TOX: variants seen among roughly 807,000 people sequenced by gnomAD.
The protein encoded by TOX is thymocyte selection-associated high mobility group box protein TOX.
In TOX, 11 loss-of-function variants were observed where a neutral mutation model predicts 53.7. The observed-to-expected ratio is 0.20, with a 90% CI of 0.13 to 0.34. TOX has a LOEUF of 0.34. Ranked by LOEUF, TOX falls within the 10% of genes least tolerant of loss-of-function variation. TOX has a pLI of 1.00. For synonymous variants in TOX, 225 were observed against 245.3 expected (o/e 0.92, Z 0.77); for missense variants, 570 against 664.6 (o/e 0.86, Z 1.56).
chr8:58,819,928 G>T (rs1810245625), intron 6 of TOX, among the ~76,000 whole-genome samples: 1 of 152,162 alleles, frequency 6.6e-6, no homozygotes, highest in Non-Finnish European at 1.5e-5. Context: ...ACTCAATTGT[G>T]CATTGCTCCT....
chr8:59,080,526 A>G (rs1804388631), intron 1 of TOX, among the ~76,000 whole-genome samples: 1 of 152,130 alleles, frequency 6.6e-6, no homozygotes, highest in Non-Finnish European at 1.5e-5. Flanking sequence ...AGGACATGAG[A>G]TTTGGGAAAG....
intron 1 of TOX, among the ~76,000 whole-genome samples, chr8:59,017,754 C>T (rs908619636): frequency 6.6e-6 from 1 of 152,162 alleles, no homozygotes; most frequent in Non-Finnish European, 1.5e-5. Flanking sequence ...AAACTCGGAA[C>T]AGGTGTCTAG....
intron 1 of TOX, among the ~76,000 whole-genome samples, chr8:58,960,442 A>C (rs1812780744): frequency 6.6e-6 from 1 of 152,228 alleles, no homozygotes; most frequent in South Asian, 2.1e-4. Flanking sequence ...TTTAGCTCTC[A>C]AAAAAGAAAA....
intron 3 of TOX, among the ~76,000 whole-genome samples, chr8:58,905,951 T>C (rs1017317990): frequency 2.6e-5 from 4 of 152,204 alleles, no homozygotes; most frequent in Non-Finnish European, 4.4e-5. Context: ...GTGAGACCAC[T>C]TTCCTTTTAA....
At position 58,968,004 on chromosome 8, in the gene TOX, C is replaced by T. The variant is rs980274748; in HGVS notation, c.103-7996G>A. ...AGAGTCATCGATTCTATTTTAATTCCATATGCAAAGACAGAAACAAACTTA... is the reference window on the plus strand; with the variant it reads ...AGAGTCATCGATTCTATTTTAATTCTATATGCAAAGACAGAAACAAACTTA... On this transcript the variant is annotated intron_variant, in intron 1 of 8. Transcript: ENST00000361421. 4.5e-4 allele frequency among the ~76,000 whole-genome samples: 69 copies of T among 152,130 alleles called. 1 individual carries two copies. Among genetic ancestry groups the T allele is most frequent in the Admixed American group, 1.2e-3 (18 of 15,270 alleles).
chr8:58,874,074 C>T (rs1811244714), intron 3 of TOX, among the ~76,000 whole-genome samples: 1 of 138,030 alleles, frequency 7.2e-6, no homozygotes, highest in Non-Finnish European at 1.5e-5. Flanking sequence ...GAAAAAGAAA[C>T]TTCCAGAGTA....
At chr8:59,048,948 A>G (rs922146455) in intron 1 of TOX, among the ~76,000 whole-genome samples, 1 of 152,190 alleles carries the variant, frequency 6.6e-6, no homozygotes, top group Non-Finnish European at 1.5e-5. Flanking sequence ...GAAAATAAAA[A>G]TGTATTTTCG....
At chr8:59,009,778 A>C (rs1813866228) in intron 1 of TOX, among the ~76,000 whole-genome samples, 1 of 152,082 alleles carries the variant, frequency 6.6e-6, no homozygotes, top group Non-Finnish European at 1.5e-5. Context: ...AGCTCAGCCC[A>C]CCACCTCAAA....
intron 6 of TOX, among the ~76,000 whole-genome samples, chr8:58,821,670 T>C (rs1459802421): frequency 6.6e-6 from 1 of 152,204 alleles, no homozygotes; most frequent in Non-Finnish European, 1.5e-5. Context: ...CTATTCTAGA[T>C]ACCTCCTATA....
intron 1 of TOX, among the ~76,000 whole-genome samples, chr8:59,026,513 G>T (rs1410595825): frequency 6.6e-6 from 1 of 152,100 alleles, no homozygotes; most frequent in Non-Finnish European, 1.5e-5. Flanking sequence ...ACTCTCCAAG[G>T]ATTTCTTTCA....
intron 1 of TOX, among the ~76,000 whole-genome samples, chr8:59,096,198 C>A (rs1030720310): frequency 1.1e-4 from 16 of 152,160 alleles, no homozygotes; most frequent in African/African-American, 3.9e-4. Flanking sequence ...ATGAAACAGA[C>A]TAACATTGCT....
intron 1 of TOX, among the ~76,000 whole-genome samples, chr8:58,978,653 T>A (rs948069868): frequency 6.6e-6 from 1 of 152,094 alleles, no homozygotes; most frequent in African/African-American, 2.4e-5. Context: ...TTCCCATATA[T>A]CTCCTATCTC....
At chr8:59,070,777 A>T (rs1252763447) in intron 1 of TOX, among the ~76,000 whole-genome samples, 1 of 152,176 alleles carries the variant, frequency 6.6e-6, no homozygotes, top group Non-Finnish European at 1.5e-5. Flanking sequence ...ATATGTTTCA[A>T]CGTCATCTTT....
At chr8:59,072,156 T>C (rs377760362) in intron 1 of TOX, among the ~76,000 whole-genome samples, 1 of 152,304 alleles carries the variant, frequency 6.6e-6, no homozygotes, top group South Asian at 2.1e-4. Flanking sequence ...TTCAAGTATA[T>C]GCTTTTGTTA....
intron 1 of TOX, among the ~76,000 whole-genome samples, chr8:59,003,073 A>C (rs1813724202): frequency 1.3e-5 from 2 of 152,198 alleles, no homozygotes; most frequent in Admixed American, 6.5e-5. Flanking sequence ...CTTTGGTTTC[A>C]TCTTCTTCTA....
intron 1 of TOX, among the ~76,000 whole-genome samples, chr8:59,021,481 A>AAAAAATATATATAT (rs59174995): frequency 7.7e-5 from 5 of 64,734 alleles, no homozygotes; most frequent in African/African-American, 2.6e-4. Context: ...AAAAAAAAAA[A>AAAAAATATATATAT]ATATATATAT....
intron 4 of TOX, among the ~76,000 whole-genome samples, chr8:58,850,118 C>T (rs1183679103): frequency 6.6e-6 from 1 of 152,080 alleles, no homozygotes; most frequent in African/African-American, 2.4e-5. Context: ...TCACTGACAA[C>T]AGGGAGAGAC....
intron 1 of TOX, among the ~76,000 whole-genome samples, chr8:59,091,553 T>C (rs1804606728): frequency 6.6e-6 from 1 of 152,174 alleles, no homozygotes; most frequent in Non-Finnish European, 1.5e-5. Flanking sequence ...ACTTTTGTTT[T>C]TAACTTCCTA....
chr8:59,002,307 A>T (rs1813704117), intron 1 of TOX, among the ~76,000 whole-genome samples: 1 of 148,566 alleles, frequency 6.7e-6, no homozygotes, highest in Non-Finnish European at 1.5e-5. Context: ...AAATGCAGAC[A>T]TAGGGCCGGG....
Sources: allele counts gnomAD v4.1 joint callset (sites outside exome capture counted in the v4.1 genomes callset), GRCh38; gene constraint gnomAD v4.1.1; transcripts MANE v1.5; gene names NCBI Gene and HGNC (gene_info 2026-07-23, HGNC 2026-07-21).